The following STX8 variants were observed in gnomAD, a reference collection of about 807,000 sequenced individuals.
STX8 encodes syntaxin-8.
Under a neutral mutation model 37.5 loss-of-function variants are expected in STX8, and 23 were observed. The ratio of observed to expected loss-of-function variants is 0.61; its 90% confidence interval spans 0.44 to 0.87. STX8 has a LOEUF of 0.87. Ranked by LOEUF, STX8 falls within the 40% of genes least tolerant of loss-of-function variation. The probability of loss-of-function intolerance (pLI) is 0.00; values close to 1 mark genes in which losing one functional copy is unlikely to be tolerated. For synonymous variants in STX8, 115 were observed against 99.1 expected (o/e 1.16, Z -0.95); for missense variants, 313 against 284.7 (o/e 1.10, Z -0.71).
intron 6 of STX8, chr17:9,461,392 AC>A (rs1243927250): frequency 2.0e-5 from 3 of 152,172 alleles, no homozygotes; most frequent in Admixed American, 2.0e-4. Flanking sequence ...ACCTACCACC[AC>A]CCTAGATTCT....
chr17:9,494,448 G>A (rs1466152460), intron 5 of STX8, among the ~76,000 whole-genome samples: 3 of 151,544 alleles, frequency 2.0e-5, no homozygotes, highest in South Asian at 2.1e-4. Context: ...GGGCAACACT[G>A]TCTGTCTCTA....
At chr17:9,413,506 C>T (rs1184799097) in intron 6 of STX8, among the ~76,000 whole-genome samples, 40 of 152,168 alleles carry the variant, frequency 2.6e-4, no homozygotes, top group Admixed American at 2.6e-3. Flanking sequence ...CAGAAAAGGG[C>T]TTCCTGAGCA....
chr17:9,261,152 T>G (rs1907012826), intron 7 of STX8, among the ~76,000 whole-genome samples: 2 of 152,128 alleles, frequency 1.3e-5, no homozygotes, highest in Non-Finnish European at 2.9e-5. Context: ...GATCCAGGCA[T>G]GAGCACCTGG....
At chr17:9,333,046 C>T (rs181419325) in intron 7 of STX8, among the ~76,000 whole-genome samples, 1 of 152,208 alleles carries the variant, frequency 6.6e-6, no homozygotes, top group East Asian at 1.9e-4. Context: ...AGTTTCCTGT[C>T]GCTTCCAGCT....
chr17:9,352,023 C>T (rs1226411223), intron 7 of STX8, among the ~76,000 whole-genome samples: 5 of 151,846 alleles, frequency 3.3e-5, no homozygotes, highest in Middle Eastern at 3.4e-3. Flanking sequence ...CGGTGGTGTG[C>T]GCCTATAGTC....
At chr17:9,342,192 C>T (rs543962781) in intron 7 of STX8, among the ~76,000 whole-genome samples, 2 of 152,146 alleles carry the variant, frequency 1.3e-5, no homozygotes, top group Admixed American at 1.3e-4. Flanking sequence ...TCTAATGCTG[C>T]CACTGATCTG....
intron 3 of STX8, among the ~76,000 whole-genome samples, chr17:9,548,967 C>T (rs745610907): frequency 4.6e-5 from 7 of 152,158 alleles, no homozygotes; most frequent in Non-Finnish European, 7.3e-5. Context: ...TAATGTTTGT[C>T]TCTATCATCT....
chr17:9,390,528 A>G (rs1435189526), intron 6 of STX8, among the ~76,000 whole-genome samples: 2 of 146,772 alleles, frequency 1.4e-5, no homozygotes, highest in Non-Finnish European at 3.0e-5. Flanking sequence ...GTCTCAAAAA[A>G]AAAAAAAGTG....
intron 4 of STX8, among the ~76,000 whole-genome samples, chr17:9,514,185 C>T (rs1905102914): frequency 2.6e-5 from 4 of 152,030 alleles, no homozygotes; most frequent in Admixed American, 2.6e-4. Flanking sequence ...GTTCCCAACA[C>T]AAAGAAATGA....
At chr17:9,312,336 G>C (rs1168235727) in intron 7 of STX8, among the ~76,000 whole-genome samples, 1 of 151,918 alleles carries the variant, frequency 6.6e-6, no homozygotes, top group African/African-American at 2.4e-5. Flanking sequence ...TGAGTAGCTG[G>C]GATTACAGGC....
At chr17:9,490,914 G>A (rs890756253) in intron 6 of STX8, among the ~76,000 whole-genome samples, 8 of 152,108 alleles carry the variant, frequency 5.3e-5, no homozygotes, top group African/African-American at 9.7e-5. Flanking sequence ...GGAGGGTGCC[G>A]CCTTCATGAT....
chr17:9,546,518 A>C (rs1906519638), intron 3 of STX8, among the ~76,000 whole-genome samples: 1 of 149,786 alleles, frequency 6.7e-6, no homozygotes, highest in South Asian at 2.2e-4. Context: ...GTCTGTCAAC[A>C]ACCGGCGCCA....
chr17:9,355,161 T>C (rs1322213096), intron 7 of STX8, among the ~76,000 whole-genome samples: 1 of 152,136 alleles, frequency 6.6e-6, no homozygotes, highest in East Asian at 1.9e-4. Flanking sequence ...ATGGACTCTT[T>C]CAATAAATAT....
intron 4 of STX8, among the ~76,000 whole-genome samples, chr17:9,525,592 C>T (rs1490413610): frequency 3.9e-5 from 6 of 152,092 alleles, no homozygotes; most frequent in South Asian, 2.1e-4. Flanking sequence ...ATGATCTACC[C>T]GCCTCAGCCT....
At chr17:9,375,063 CAAAAAAA>C (rs58594029) in intron 7 of STX8, among the ~76,000 whole-genome samples, 79 of 65,454 alleles carry the variant, frequency 1.2e-3, no homozygotes, top group South Asian at 5.1e-3. Flanking sequence ...GACTCTGTCT[CAAAAAAA>C]AAAAAAAAAA....
At chr17:9,486,862 C>T (rs1479125621) in intron 6 of STX8, among the ~76,000 whole-genome samples, 1 of 152,088 alleles carries the variant, frequency 6.6e-6, no homozygotes, top group Non-Finnish European at 1.5e-5. Context: ...AGAACCACAA[C>T]TCTGGGTTCT....
At chr17:9,260,016 A>G (rs1021288208) in intron 7 of STX8, among the ~76,000 whole-genome samples, 1 of 150,246 alleles carries the variant, frequency 6.7e-6, no homozygotes, top group African/African-American at 2.5e-5. Flanking sequence ...CCAGGAGTTC[A>G]AGACTAGCCC....
intron 7 of STX8, among the ~76,000 whole-genome samples, chr17:9,292,291 G>GT (rs1341236777): frequency 6.6e-6 from 1 of 152,246 alleles, no homozygotes; most frequent in Non-Finnish European, 1.5e-5. Context: ...GGTCTCCACC[G>GT]TGGGGCCTGT....
At chr17:9,389,248 GCACTACCAAGGTGGGA>G (rs956304101) in intron 6 of STX8, among the ~76,000 whole-genome samples, 1 of 152,218 alleles carries the variant, frequency 6.6e-6, no homozygotes, top group Non-Finnish European at 1.5e-5. Context: ...TGCAGACCAG[GCACTACCAAGGTGGGA>G]ATTTCCCTAA....
Sources: allele counts gnomAD v4.1 joint callset (sites outside exome capture counted in the v4.1 genomes callset), GRCh38; gene constraint gnomAD v4.1.1; transcripts MANE v1.5; gene names NCBI Gene and HGNC (gene_info 2026-07-23, HGNC 2026-07-21).